Variants in DCC observed in about 807,000 individuals in gnomAD.
The protein encoded by DCC is netrin receptor DCC.
DCC carries 58 observed loss-of-function variants against 172.5 expected under a neutral mutation model. The ratio of observed to expected loss-of-function variants is 0.34; its 90% CI spans 0.27 to 0.42. The LOEUF (loss-of-function observed/expected upper bound fraction) is 0.42, where lower values mean the gene tolerates loss of function less well. DCC is among the 10% of genes least tolerant of loss of function. The probability of loss-of-function intolerance (pLI) is 1.00; values close to 1 mark genes in which losing one functional copy is unlikely to be tolerated. For missense variants in DCC, 1,740 were observed against 1,791.0 expected, an observed-to-expected ratio of 0.97 and a Z score of 0.51; for synonymous variants, 709 against 644.5, an observed-to-expected ratio of 1.10 and a Z score of -1.52.
At chr18:52,808,229 C>A (rs28520810) in intron 2 of DCC, among the ~76,000 whole-genome samples, 6,225 of 152,194 alleles carry the variant, frequency 0.041, 226 homozygotes, top group South Asian at 0.17. Context: ...TCTAAAAGGT[C>A]TTGTTCTGGA....
At chr18:52,511,917 A>G (rs889928336) in intron 1 of DCC, among the ~76,000 whole-genome samples, 4 of 152,166 alleles carry the variant, frequency 2.6e-5, no homozygotes, top group Non-Finnish European at 4.4e-5. Flanking sequence ...GAACAGTTTC[A>G]TGAAACTTTT....
rs1173147768 is a variant in DCC, at chr18:53,429,697, C to T, written c.3164-5447C>T. ...TATCCTGCAGATTATTGCCCTTAGA[C>T]TTTCCACAGGTGGAAAATAAAACCA... On this transcript the variant is annotated intron_variant, in intron 21 of 28. Coordinates refer to ENST00000442544, the MANE Select transcript of DCC (RefSeq NM_005215.4). Among the ~76,000 whole-genome samples, 6 of 152,068 alleles carry T rather than the reference C, an allele frequency of 3.9e-5. No individual in the cohort carries two copies. In the East Asian group the frequency reaches 1.2e-3, roughly 29 times the overall value.
At chr18:52,789,857 C>G (rs2037726614) in intron 2 of DCC, among the ~76,000 whole-genome samples, 1 of 152,094 alleles carries the variant, frequency 6.6e-6, no homozygotes, top group Admixed American at 6.6e-5. Flanking sequence ...GATAATAGCC[C>G]CTTCTGAAGA....
chr18:52,458,927 C>T (rs1029864207), intron 1 of DCC, among the ~76,000 whole-genome samples: 20 of 152,086 alleles, frequency 1.3e-4, no homozygotes, highest in Admixed American at 3.9e-4. Context: ...ATAATTATGT[C>T]GCTTGAGCCT....
At chr18:52,990,366 C>A (rs542508883) in intron 5 of DCC, among the ~76,000 whole-genome samples, 1 of 151,712 alleles carries the variant, frequency 6.6e-6, no homozygotes, top group Non-Finnish European at 1.5e-5. Context: ...CATGCAGAAA[C>A]CCCGTCTCTA....
At chr18:52,476,322 A>G (rs1050389888) in intron 1 of DCC, among the ~76,000 whole-genome samples, 1 of 151,962 alleles carries the variant, frequency 6.6e-6, no homozygotes, top group Non-Finnish European at 1.5e-5. Context: ...GGCATAACAA[A>G]CCTTAGATTT....
At chr18:52,748,130 C>T (rs1490491395) in intron 1 of DCC, among the ~76,000 whole-genome samples, 1 of 152,198 alleles carries the variant, frequency 6.6e-6, no homozygotes, top group Non-Finnish European at 1.5e-5. Context: ...CCAGCCACCA[C>T]CGCACAGAGC....
At chr18:52,672,760 A>G (rs758510979) in intron 1 of DCC, among the ~76,000 whole-genome samples, 3 of 150,626 alleles carry the variant, frequency 2.0e-5, no homozygotes, top group Non-Finnish European at 4.4e-5. Context: ...TTTGATGAAG[A>G]CCTCACATTG....
intron 1 of DCC, among the ~76,000 whole-genome samples, chr18:52,440,851 A>T (rs1011648395): frequency 1.3e-5 from 2 of 152,188 alleles, no homozygotes; most frequent in East Asian, 3.9e-4. Context: ...GGGCATAGAG[A>T]AAGGAAAGCA....
chr18:53,386,676 G>A (rs1908191996), intron 16 of DCC, among the ~76,000 whole-genome samples: 1 of 152,138 alleles, frequency 6.6e-6, no homozygotes, highest in African/African-American at 2.4e-5. Context: ...GCAGTGCCCA[G>A]GGCCTCAGGA....
At chr18:52,815,485 A>G (rs1315579793) in intron 2 of DCC, among the ~76,000 whole-genome samples, 1 of 151,656 alleles carries the variant, frequency 6.6e-6, no homozygotes. Flanking sequence ...GTCCCCACCA[A>G]TGTGAGGACA....
At chr18:53,449,543 A>C (rs1471962830) in intron 22 of DCC, among the ~76,000 whole-genome samples, 2 of 152,218 alleles carry the variant, frequency 1.3e-5, no homozygotes, top group African/African-American at 4.8e-5. Context: ...ATTGCTTTAT[A>C]GATGGCATCT....
At chr18:53,173,381 T>A (rs1407782899) in intron 8 of DCC, among the ~76,000 whole-genome samples, 1 of 152,184 alleles carries the variant, frequency 6.6e-6, no homozygotes, top group African/African-American at 2.4e-5. Context: ...TGGTAAAACA[T>A]ATCTTTCATT....
At chr18:53,115,155 G>T (rs1285220673) in intron 7 of DCC, among the ~76,000 whole-genome samples, 1 of 151,618 alleles carries the variant, frequency 6.6e-6, no homozygotes, top group African/African-American at 2.4e-5. Flanking sequence ...CACACTCATG[G>T]ATTATTGGTG....
intron 1 of DCC, among the ~76,000 whole-genome samples, chr18:52,698,211 C>T (rs1394757461): frequency 6.6e-6 from 1 of 152,090 alleles, no homozygotes; most frequent in African/African-American, 2.4e-5. Flanking sequence ...AACATCAAGC[C>T]ATGGATGACT....
chr18:53,297,038 T>C (rs573316362), intron 12 of DCC, among the ~76,000 whole-genome samples: 2 of 152,230 alleles, frequency 1.3e-5, no homozygotes, highest in African/African-American at 4.8e-5. Context: ...TAAGGCAGAA[T>C]GTCAGTGTGC....
chr18:52,971,701 G>T (rs901110925), intron 5 of DCC, among the ~76,000 whole-genome samples: 1 of 152,070 alleles, frequency 6.6e-6, no homozygotes, highest in African/African-American at 2.4e-5. Flanking sequence ...GTTACAGTCT[G>T]CAATATCCCC....
At chr18:53,057,611 C>G (rs777015415) in intron 5 of DCC, among the ~76,000 whole-genome samples, 10 of 151,994 alleles carry the variant, frequency 6.6e-5, no homozygotes, top group Non-Finnish European at 1.0e-4. Flanking sequence ...GAAAGTACAA[C>G]TGAAATCAAT....
intron 8 of DCC, among the ~76,000 whole-genome samples, chr18:53,163,039 T>C (rs1568339715): frequency 6.6e-6 from 1 of 152,240 alleles, no homozygotes; most frequent in Non-Finnish European, 1.5e-5. Flanking sequence ...AATTTCACCT[T>C]TATCTCACCC....
Sources: gnomAD v4.1 joint callset for allele counts (sites outside exome capture counted in the v4.1 genomes callset) on GRCh38, gnomAD v4.1.1 for gene constraint, MANE v1.5 for transcripts, NCBI Gene and HGNC (gene_info 2026-07-23, HGNC 2026-07-21) for gene names.